Variants in OLFM2 observed in about 807,000 individuals in gnomAD.
OLFM2 encodes noelin-2.
In OLFM2, 20 loss-of-function variants were observed where a neutral mutation model predicts 43.9. The ratio of observed to expected loss-of-function variants is 0.46; its 90% CI spans 0.32 to 0.66. The LOEUF is 0.66. Ranked by LOEUF, OLFM2 falls within the 30% of genes least tolerant of loss-of-function variation. The pLI is 0.04. For synonymous variants in OLFM2, 268 were observed against 278.6 expected, an observed-to-expected ratio of 0.96 and a Z score of 0.38; for missense variants, 416 against 643.6, an observed-to-expected ratio of 0.65 and a Z score of 3.83.
chr19:9,913,644 C>CGCCCGCCGCGCGTCCCTTCTCTG, intron 1 of OLFM2: 1 of 1,246,386 alleles, frequency 8.0e-7, no homozygotes, highest in Non-Finnish European at 1.0e-6. Context: ...GCCCCGCGGC[C>CGCCCGCCGCGCGTCCCTTCTCTG]GCCCGCCGCG....
In OLFM2 at chr19:9,936,470, T is replaced by G; in HGVS notation, c.-104A>C. On this transcript the variant is annotated 5_prime_UTR_variant, in exon 1 of 6. Transcript: ENST00000264833. ...CCCGCCCGCCCGGCCGGGGCGACCC[T>G]GCGCCGCCGCCTCCCCCGCCTCGCC... The G allele has an allele frequency of 1.2e-6, 1 of 822,982 alleles. No homozygotes were observed. The highest frequency in any genetic ancestry group is 1.5e-6 in the Non-Finnish European group (1 of 683,826). The allele number at this position is 822,982 out of a possible 1,614,324, so 51.0% of individuals were successfully genotyped here.
intron 1 of OLFM2, among the ~76,000 whole-genome samples, chr19:9,864,829 CT>C (rs549285167): frequency 1.9e-3 from 234 of 123,802 alleles, no homozygotes; most frequent in African/African-American, 6.8e-3. Flanking sequence ...GATAGTCTTG[CT>C]TTGCTGCCCA....
At chr19:9,913,474 G>A (rs1203300446) in intron 1 of OLFM2, 3 of 1,078,076 alleles carry the variant, frequency 2.8e-6, no homozygotes, top group Admixed American at 5.4e-5. Context: ...CCGCGCGGCG[G>A]CCACTCACGA....
At chr19:9,894,223 G>A (rs892455071) in intron 1 of OLFM2, among the ~76,000 whole-genome samples, 1 of 151,478 alleles carries the variant, frequency 6.6e-6, no homozygotes, top group Non-Finnish European at 1.5e-5. Context: ...AACCCGGGAA[G>A]GGGAGGTTGC....
intron 1 of OLFM2, among the ~76,000 whole-genome samples, chr19:9,865,471 CCT>C (rs2046393700): frequency 6.8e-6 from 1 of 147,532 alleles, no homozygotes; most frequent in Admixed American, 6.8e-5. Context: ...GTCACTGTTA[CCT>C]CTCTGTTTTT....
Position 9,854,453 on chromosome 19 carries a change from G to T in OLFM2, c.1098C>A (p.Pro366=), listed in dbSNP as rs934355794. The part of the protein sequence containing the change: ...EVMRSWDTGY[P]KRSAGEAFMI... ...TGAAGGCCTCGCCAGCGCTGCGCTT[G>T]GGGTAGCCGGTGTCCCAGGACCGCA... Residue 366 remains proline, a synonymous_variant, in exon 6 of 6, where the codon CCC becomes CCA. Transcript: ENST00000264833. This position sits in a 1 kb window ranked among gnomAD's most constrained non-coding sequence, Gnocchi z 9.5. The T allele has an allele frequency of 2.5e-6, 4 of 1,613,998 alleles. No individual in the cohort carries two copies. The highest frequency in any genetic ancestry group is 1.7e-5 in the Admixed American group (1 of 60,004).
intron 1 of OLFM2, among the ~76,000 whole-genome samples, chr19:9,899,291 C>A (rs1046645487): frequency 2.0e-5 from 3 of 151,868 alleles, no homozygotes; most frequent in Non-Finnish European, 2.9e-5. Flanking sequence ...AGAATAAAAG[C>A]CAACAGTTCA....
At chr19:9,866,787 G>A (rs1192954536) in intron 1 of OLFM2, among the ~76,000 whole-genome samples, 7 of 151,942 alleles carry the variant, frequency 4.6e-5, no homozygotes, top group African/African-American at 1.2e-4. Flanking sequence ...GAGCTATCAC[G>A]ACGGCCCTGC....
At chr19:9,916,186 G>C (rs2046875042) in intron 1 of OLFM2, among the ~76,000 whole-genome samples, 1 of 151,966 alleles carries the variant, frequency 6.6e-6, no homozygotes, top group Admixed American at 6.6e-5. Flanking sequence ...GTAAAACCCT[G>C]TCTCTACTAA....
At chr19:9,896,081 CTTTAT>C (rs1239265485) in intron 1 of OLFM2, among the ~76,000 whole-genome samples, 1 of 141,762 alleles carries the variant, frequency 7.1e-6, no homozygotes, top group South Asian at 2.2e-4. Flanking sequence ...GCCTTCTTTA[CTTTAT>C]TTTAATTTTT....
At chr19:9,906,403 T>C (rs1194512158) in intron 1 of OLFM2, among the ~76,000 whole-genome samples, 1 of 152,108 alleles carries the variant, frequency 6.6e-6, no homozygotes, top group African/African-American at 2.4e-5. Flanking sequence ...TCCATCCGTT[T>C]CCTGGGAATT....
At chr19:9,894,413 A>AATAATAATAATAATAAT (rs34172574) in intron 1 of OLFM2, among the ~76,000 whole-genome samples, 27 of 103,668 alleles carry the variant, frequency 2.6e-4, no homozygotes, top group Non-Finnish European at 3.3e-4. Flanking sequence ...TAATAATAAT[A>AATAATAATAATAATAAT]AATAAATAAA....
chr19:9,914,917 C>T (rs970143869), intron 1 of OLFM2, among the ~76,000 whole-genome samples: 1 of 151,794 alleles, frequency 6.6e-6, no homozygotes, highest in East Asian at 2.0e-4. Flanking sequence ...TCAGGCCTTT[C>T]CAGGCGGCGG....
chr19:9,897,554 A>C (rs2046697260), intron 1 of OLFM2, among the ~76,000 whole-genome samples: 1 of 152,146 alleles, frequency 6.6e-6, no homozygotes, highest in Non-Finnish European at 1.5e-5. Context: ...ACACGAATGG[A>C]TAAATGGCTC....
At chr19:9,855,006 G>A in intron 5 of OLFM2, 143 bp from the exon 6 acceptor site, 1 of 646,048 alleles carries the variant, frequency 1.5e-6, no homozygotes, top group Non-Finnish European at 2.6e-6. Flanking sequence ...TACCAATTAT[G>A]GCCCTAGTGT....
At chr19:9,905,999 G>GAT (rs1193828225) in intron 1 of OLFM2, among the ~76,000 whole-genome samples, 5 of 152,128 alleles carry the variant, frequency 3.3e-5, no homozygotes, top group Admixed American at 6.6e-5. Flanking sequence ...AGACACAACT[G>GAT]ATGGCCATCA....
At chr19:9,888,439 G>A (rs936989711) in intron 1 of OLFM2, among the ~76,000 whole-genome samples, 2 of 60,228 alleles carry the variant, frequency 3.3e-5, no homozygotes, top group South Asian at 8.8e-4. Context: ...CAGGAGAATC[G>A]CTTGAGCCTG....
rs1460811589 is a variant in OLFM2 at position 9,936,377 on chromosome 19, T to A, written c.-11A>T. 2 of 1,437,694 alleles carry A rather than the reference T, an allele frequency of 1.4e-6. No individual in the cohort carries two copies. Among genetic ancestry groups the A allele is most frequent in the Non-Finnish European group, 1.8e-6 (2 of 1,097,202 alleles). 89.1% of individuals were successfully genotyped at this position (1,437,694 alleles called of 1,614,324 possible). A position where few individuals can be genotyped will look rare whatever the true frequency, so the allele number is the denominator to read the frequency against. On this transcript the variant is annotated 5_prime_UTR_variant, in exon 1 of 6. Transcript: ENST00000264833. ...CGTGAGCGGCCACATGACGCGCCCC[T>A]AGCCCGGCGTCCCGACCCCCGCCCG...
intron 1 of OLFM2, among the ~76,000 whole-genome samples, chr19:9,885,233 G>A (rs2046576150): frequency 6.6e-6 from 1 of 152,162 alleles, no homozygotes. Context: ...CCCATTCCCA[G>A]ACTGCAATTC....
Sources: allele counts gnomAD v4.1 joint callset (sites outside exome capture counted in the v4.1 genomes callset), GRCh38; gene constraint gnomAD v4.1.1; non-coding constraint Gnocchi (gnomAD v3.1); transcripts MANE v1.5; gene names NCBI Gene and HGNC (gene_info 2026-07-23, HGNC 2026-07-21).